The following C1orf94 variants were observed in gnomAD, a reference collection of about 807,000 sequenced individuals.
The protein encoded by C1orf94 is uncharacterized protein C1orf94.
C1orf94 carries 45 observed loss-of-function variants against 53.6 expected under a neutral mutation model. The ratio of observed to expected loss-of-function variants is 0.84; its 90% CI spans 0.66 to 1.08. The LOEUF is 1.08. C1orf94 is among the 50% of genes least tolerant of loss of function. The probability of loss-of-function intolerance (pLI) is 0.00; values close to 1 mark genes in which losing one functional copy is unlikely to be tolerated. For synonymous variants in C1orf94, 304 were observed against 296.1 expected (o/e 1.03, Z -0.27); for missense variants, 762 against 738.9 (o/e 1.03, Z -0.36).
chr1:34,173,095 C>T (rs537417885), upstream of C1orf94, among the ~76,000 whole-genome samples: 2 of 152,320 alleles, frequency 1.3e-5, no homozygotes, highest in South Asian at 4.1e-4. Flanking sequence ...ATGTCAACTT[C>T]ATTAACTGTT....
chr1:34,197,994 T>C lies in C1orf94; in HGVS notation c.1009+81T>C, dbSNP rs529549077. On this transcript the variant is annotated intron_variant, in intron 2 of 6. Transcript: ENST00000488417. The surrounding 1 kb of genome is among the most constrained non-coding windows in gnomAD (Gnocchi z 4.1). Reference sequence around the variant, plus strand: ...GGAAGCCAATCAGGGCTGCAGCATGTACATAAAGCATCTTCATGCAAAGCA... The same window carrying C: ...GGAAGCCAATCAGGGCTGCAGCATGCACATAAAGCATCTTCATGCAAAGCA... 7.3e-7 allele frequency: 1 copy of C among 1,362,854 alleles called. No individual in the cohort carries two copies. Among genetic ancestry groups the C allele is most frequent in the Admixed American group, 2.4e-5 (1 of 41,860 alleles). The allele number at this position is 1,362,854 out of a possible 1,614,324, so 84.4% of individuals were successfully genotyped here. A position where few individuals can be genotyped will look rare whatever the true frequency, so the allele number is the denominator to read the frequency against.
At chr1:34,182,736 A>G (rs1052723565) in intron 1 of C1orf94, among the ~76,000 whole-genome samples, 7 of 152,194 alleles carry the variant, frequency 4.6e-5, no homozygotes, top group Admixed American at 4.6e-4. Flanking sequence ...ATCACTATCA[A>G]TGTGACTGGG....
chr1:34,213,766 C>A (rs570601289), intron 6 of C1orf94, among the ~76,000 whole-genome samples: 7 of 152,272 alleles, frequency 4.6e-5, no homozygotes, highest in African/African-American at 1.7e-4. Context: ...GTCTCAAACT[C>A]CTGACCTCAG....
At chr1:34,178,315 A>T (rs1413318040) in intron 1 of C1orf94, among the ~76,000 whole-genome samples, 1 of 152,222 alleles carries the variant, frequency 6.6e-6, no homozygotes, top group Non-Finnish European at 1.5e-5. Context: ...TTAGGGCTAT[A>T]TTCCAGGCTG....
At chr1:34,212,531 C>T in intron 6 of C1orf94, 125 bp downstream of exon 6, 1 of 988,886 alleles carries the variant, frequency 1.0e-6, no homozygotes, top group Non-Finnish European at 1.5e-6. Context: ...GGGATGGGCC[C>T]TGTACCTGTG....
intron 1 of C1orf94, among the ~76,000 whole-genome samples, chr1:34,188,299 T>C (rs1642418986): frequency 6.6e-6 from 1 of 152,116 alleles, no homozygotes; most frequent in South Asian, 2.1e-4. Context: ...AAGAAAAGTG[T>C]GGAAGGAAGG....
chr1:34,185,513 C>G (rs946223933), intron 1 of C1orf94, among the ~76,000 whole-genome samples: 1 of 152,224 alleles, frequency 6.6e-6, no homozygotes, highest in Non-Finnish European at 1.5e-5. Flanking sequence ...TGCTGGGTCT[C>G]AGCACCCCAG....
upstream of C1orf94, among the ~76,000 whole-genome samples, chr1:34,175,613 C>T (rs554204404): frequency 6.6e-6 from 1 of 152,300 alleles, no homozygotes; most frequent in East Asian, 1.9e-4. Context: ...CTCAGCCCCT[C>T]TGTAAAGAGC....
intron 1 of C1orf94, among the ~76,000 whole-genome samples, chr1:34,168,389 G>GA (rs1346637654): frequency 1.3e-5 from 2 of 152,050 alleles, no homozygotes; most frequent in African/African-American, 2.4e-5. Context: ...CTGTAAAAAG[G>GA]AAAGGGGGCC....
rs149772657 is a variant in C1orf94 at position 34,190,058 on chromosome 1, G to T, written c.321-7167G>T. 3.0e-4 allele frequency among the ~76,000 whole-genome samples: 45 copies of T among 150,616 alleles called. No homozygotes were observed. The Middle Eastern group carries it at 0.01, about 34-fold the overall frequency. ...TTCCACCCCAACACTTATTCTCTAG[G>T]GTCAATTTGAGTACATCTTTTAACC... On this transcript the variant is annotated intron_variant, in intron 1 of 6. Coordinates refer to ENST00000488417, the MANE Select transcript of C1orf94 (RefSeq NM_001134734.2).
At chr1:34,210,545 A>C (rs544232447) in intron 5 of C1orf94, among the ~76,000 whole-genome samples, 14 of 152,318 alleles carry the variant, frequency 9.2e-5, no homozygotes, top group Middle Eastern at 6.8e-3. Flanking sequence ...CCTGCTTCCA[A>C]ACTGGAAATA....
intron 4 of C1orf94, among the ~76,000 whole-genome samples, chr1:34,207,262 G>GGT (rs58794132): frequency 3.9e-3 from 572 of 147,436 alleles, no homozygotes; most frequent in African/African-American, 0.011. Context: ...AGTTCTGCGG[G>GGT]GTGTGTGTGT....
chr1:34,195,780 GT>G (rs1207432369), intron 1 of C1orf94, among the ~76,000 whole-genome samples: 35 of 61,798 alleles, frequency 5.7e-4, no homozygotes, highest in African/African-American at 2.1e-3. Flanking sequence ...CTGTTCGTGG[GT>G]GTGTGTGTGT....
upstream of C1orf94, among the ~76,000 whole-genome samples, chr1:34,174,847 C>T (rs1010833111): frequency 4.9e-4 from 75 of 152,148 alleles, no homozygotes; most frequent in African/African-American, 1.6e-3. Flanking sequence ...TGCCAGAAAA[C>T]GTGAACTCAG....
intron 1 of C1orf94, among the ~76,000 whole-genome samples, chr1:34,184,167 G>A (rs917446587): frequency 3.3e-5 from 5 of 152,182 alleles, no homozygotes; most frequent in Admixed American, 6.5e-5. Context: ...TGAAAGATGC[G>A]GGTGTAGTCC....
chr1:34,185,561 A>C (rs1185480996), intron 1 of C1orf94, among the ~76,000 whole-genome samples: 1 of 152,152 alleles, frequency 6.6e-6, no homozygotes, highest in Non-Finnish European at 1.5e-5. Context: ...CTTGTTTGTC[A>C]AGTGAGCTAG....
intron 1 of C1orf94, among the ~76,000 whole-genome samples, chr1:34,185,507 G>A (rs1642372186): frequency 6.6e-6 from 1 of 152,132 alleles, no homozygotes; most frequent in African/African-American, 2.4e-5. Context: ...TCCCAATGCT[G>A]GGTCTCAGCA....
chr1:34,208,030 A>C, intron 4 of C1orf94, 127 bp from the exon 5 acceptor site: 3 of 855,740 alleles, frequency 3.5e-6, no homozygotes, highest in Non-Finnish European at 5.5e-6. Flanking sequence ...GGCCTCAGAC[A>C]GCCCATGGGT....
At chr1:34,188,585 T>C (rs1642424688) in intron 1 of C1orf94, among the ~76,000 whole-genome samples, 1 of 152,154 alleles carries the variant, frequency 6.6e-6, no homozygotes, top group Non-Finnish European at 1.5e-5. Flanking sequence ...CCAGCAGGAC[T>C]CCAAAGCCTG....
Sources: allele counts gnomAD v4.1 joint callset (sites outside exome capture counted in the v4.1 genomes callset), GRCh38; gene constraint gnomAD v4.1.1; non-coding constraint Gnocchi (gnomAD v3.1); transcripts MANE v1.5; gene names NCBI Gene and HGNC (gene_info 2026-07-23, HGNC 2026-07-21).